Variants in LRP1B observed in about 807,000 individuals in gnomAD.
LRP1B encodes the protein LDL receptor related protein 1B.
A neutral mutation model predicts 556.6 loss-of-function variants in LRP1B; 217 were observed. The observed-to-expected ratio is 0.39, with a 90% confidence interval of 0.35 to 0.44. The LOEUF (loss-of-function observed/expected upper bound fraction) is 0.44, where lower values mean the gene tolerates loss of function less well. Ranked by LOEUF, LRP1B falls within the 20% of genes least tolerant of loss-of-function variation. The pLI is 1.00. For missense variants in LRP1B, 5,053 were observed against 5,620.8 expected (o/e 0.90, Z 3.23); for synonymous variants, 2,047 against 1,865.8 (o/e 1.10, Z -2.50).
chr2:141,455,879 T>C (rs1681610897), intron 3 of LRP1B, among the ~76,000 whole-genome samples: 1 of 152,214 alleles, frequency 6.6e-6, no homozygotes, highest in Admixed American at 6.5e-5. Flanking sequence ...GATTTCCCAG[T>C]GCACTACAAG....
chr2:141,317,203 T>G (rs941757962), intron 3 of LRP1B, among the ~76,000 whole-genome samples: 12 of 152,326 alleles, frequency 7.9e-5, no homozygotes, highest in African/African-American at 2.9e-4. Flanking sequence ...TGGATAAACT[T>G]TGATTTTTAA....
rs1320908155 is a variant in LRP1B, at chr2:140,387,536, A to C, written c.10415-1527T>G. On this transcript the variant is annotated intron_variant, in intron 66 of 90. Transcript: ENST00000389484. ...TTATATCCAGCTCCAGCAACATTTT[A>C]TTAGAGAAATTCTTATGATAGATTT... Among the ~76,000 whole-genome samples, 8 of 152,134 alleles carry C rather than the reference A, an allele frequency of 5.3e-5. 1 individual carries two copies. Among genetic ancestry groups the C allele is most frequent in the Non-Finnish European group, 1.5e-5 (1 of 68,014 alleles).
chr2:140,277,859 C>G (rs1315046448), intron 84 of LRP1B, among the ~76,000 whole-genome samples: 2 of 151,870 alleles, frequency 1.3e-5, no homozygotes, highest in African/African-American at 2.4e-5. Context: ...CACCTTATGA[C>G]CTAGCACTTC....
chr2:141,288,397 G>A lies in LRP1B; in HGVS notation c.344-33756C>T, dbSNP rs530078245. Among the ~76,000 whole-genome samples the A allele has an allele frequency of 2.6e-5, 4 of 152,092 alleles. No individual in the cohort carries two copies. The South Asian group carries it at 8.3e-4, about 31-fold the overall frequency. On this transcript the variant is annotated intron_variant, in intron 3 of 90. Coordinates refer to ENST00000389484, the MANE Select transcript of LRP1B (RefSeq NM_018557.3). ...AGCCATTTTTTTCCTCCACAATGCA[G>A]TGAAAATGCATATTTCCATCTATTA...
intron 6 of LRP1B, among the ~76,000 whole-genome samples, chr2:141,196,828 T>C (rs1681773241): frequency 6.6e-6 from 1 of 152,110 alleles, no homozygotes; most frequent in African/African-American, 2.4e-5. Flanking sequence ...TTCCTTTTAT[T>C]AGTCCTGAGA....
intron 84 of LRP1B, among the ~76,000 whole-genome samples, chr2:140,281,851 C>A (rs1682926403): frequency 6.6e-6 from 1 of 151,696 alleles, no homozygotes; most frequent in Admixed American, 6.6e-5. Flanking sequence ...GGCAGTAGAT[C>A]CTATGAATTC....
chr2:141,585,422 C>CGTGTGTGTGTGTGT (rs3041302), intron 2 of LRP1B, among the ~76,000 whole-genome samples: 10 of 129,262 alleles, frequency 7.7e-5, no homozygotes, highest in East Asian at 5.0e-4. Flanking sequence ...CTGAAATAAT[C>CGTGTGTGTGTGTGT]GTGTGTGTGT....
intron 6 of LRP1B, among the ~76,000 whole-genome samples, chr2:141,216,546 A>T (rs1682822849): frequency 6.6e-6 from 1 of 152,094 alleles, no homozygotes; most frequent in Admixed American, 6.5e-5. Context: ...ATACCCCAGA[A>T]TGAGAGAGCC....
intron 43 of LRP1B, among the ~76,000 whole-genome samples, chr2:140,568,173 ATAATCT>A (rs1269518592): frequency 6.7e-6 from 1 of 148,960 alleles, no homozygotes; most frequent in East Asian, 2.0e-4. Context: ...ATTCAAAATA[ATAATCT>A]TAAGATAATG....
At chr2:141,550,776 C>T (rs1685722595) in intron 2 of LRP1B, among the ~76,000 whole-genome samples, 1 of 152,064 alleles carries the variant, frequency 6.6e-6, no homozygotes, top group Non-Finnish European at 1.5e-5. Context: ...AATGTACAAT[C>T]TACCTTCCCC....
intron 60 of LRP1B, among the ~76,000 whole-genome samples, chr2:140,463,206 T>C (rs1687395428): frequency 6.6e-6 from 1 of 152,022 alleles, no homozygotes; most frequent in South Asian, 2.1e-4. Flanking sequence ...TGGTTTCTAG[T>C]TGATGAAGAG....
intron 3 of LRP1B, among the ~76,000 whole-genome samples, chr2:141,468,441 G>C (rs1233782624): frequency 6.6e-6 from 1 of 152,070 alleles, no homozygotes. Flanking sequence ...AGGAAAATTT[G>C]ATAGAGTGCA....
chr2:140,395,703 A>G (rs1684217950), intron 66 of LRP1B, among the ~76,000 whole-genome samples: 1 of 152,244 alleles, frequency 6.6e-6, no homozygotes. Flanking sequence ...TTTTCTTTAT[A>G]AAGAGGTGAA....
Position 140,514,765 on chromosome 2 carries a change from A to G in LRP1B, c.8157T>C (p.Ser2719=). 6.2e-7 allele frequency: 1 copy of G among 1,609,840 alleles called. No individual in the cohort carries two copies. Among genetic ancestry groups the G allele is most frequent in the South Asian group, 1.1e-5 (1 of 90,680 alleles). ...AACAAGCAAATTGGTTCCAAGAGCA[A>G]GAAGAATCTAGGAAACAAACAAAAG... ...DGRDEFHCDS[S]CSWNQFACSA... The change falls in exon 51 of 91, where the codon TCT becomes TCC. Residue 2719 remains serine, a synonymous_variant. Transcript: ENST00000389484.
At chr2:141,559,588 G>A (rs1559140823) in intron 2 of LRP1B, among the ~76,000 whole-genome samples, 1 of 151,558 alleles carries the variant, frequency 6.6e-6, no homozygotes, top group Non-Finnish European at 1.5e-5. Context: ...GATATCTGTT[G>A]TAATTTTAAG....
chr2:140,865,533 G>T (rs1692922792), intron 27 of LRP1B, among the ~76,000 whole-genome samples: 1 of 151,874 alleles, frequency 6.6e-6, no homozygotes, highest in Non-Finnish European at 1.5e-5. Flanking sequence ...CCTAGCAGTG[G>T]AAGTGTTACT....
At chr2:140,267,837 A>G (rs1162133593) in intron 86 of LRP1B, among the ~76,000 whole-genome samples, 5 of 152,028 alleles carry the variant, frequency 3.3e-5, no homozygotes, top group Non-Finnish European at 5.9e-5. Context: ...AGGTTGCTCT[A>G]AACTACCACA....
chr2:140,880,191 G>A (rs1693430607), intron 25 of LRP1B, among the ~76,000 whole-genome samples: 1 of 151,992 alleles, frequency 6.6e-6, no homozygotes, highest in Non-Finnish European at 1.5e-5. Flanking sequence ...TTATGACAAA[G>A]GAAAACTAAA....
intron 56 of LRP1B, among the ~76,000 whole-genome samples, chr2:140,494,075 A>T (rs925573141): frequency 6.6e-6 from 1 of 152,198 alleles, no homozygotes; most frequent in African/African-American, 2.4e-5. Context: ...TTTCATTTTT[A>T]AAAAATCTCT....
Sources: gnomAD v4.1 joint callset for allele counts (sites outside exome capture counted in the v4.1 genomes callset) on GRCh38, gnomAD v4.1.1 for gene constraint, MANE v1.5 for transcripts, NCBI Gene and HGNC (gene_info 2026-07-23, HGNC 2026-07-21) for gene names.